NRXN3: variants seen among roughly 807,000 people sequenced by gnomAD.
NRXN3 encodes neurexin III.
NRXN3 carries 32 observed loss-of-function variants against 137.6 expected under a neutral mutation model. The observed-to-expected ratio is 0.23, with a 90% CI of 0.18 to 0.31. The LOEUF is 0.31. Ranked by LOEUF, NRXN3 falls within the 10% of genes least tolerant of loss-of-function variation. The pLI is 1.00. For missense variants in NRXN3, 1,574 were observed against 2,062.5 expected (o/e 0.76, Z 4.59); for synonymous variants, 798 against 784.5 (o/e 1.02, Z -0.29).
intron 15 of NRXN3, among the ~76,000 whole-genome samples, chr14:79,191,624 T>C (rs535722609): frequency 6.6e-6 from 1 of 152,338 alleles, no homozygotes; most frequent in South Asian, 2.1e-4. Context: ...CCTTTTAGCA[T>C]TGATGACAGT....
intron 16 of NRXN3, among the ~76,000 whole-genome samples, chr14:79,625,710 T>G (rs999348187): frequency 6.6e-6 from 1 of 152,200 alleles, no homozygotes; most frequent in Non-Finnish European, 1.5e-5. Flanking sequence ...CCAGATTACC[T>G]TTTCTCCCCA....
chr14:79,773,184 T>A (rs941189823), intron 19 of NRXN3, among the ~76,000 whole-genome samples: 3 of 152,336 alleles, frequency 2.0e-5, no homozygotes, highest in South Asian at 2.1e-4. Context: ...TTGGTGGGAC[T>A]GTAAACTAGT....
intron 15 of NRXN3, among the ~76,000 whole-genome samples, chr14:79,219,529 C>G (rs747890222): frequency 1.3e-4 from 20 of 152,122 alleles, no homozygotes; most frequent in Non-Finnish European, 2.5e-4. Context: ...GAAAGATTTA[C>G]TAAATAAAGC....
At chr14:79,529,809 C>T (rs143461809) in intron 16 of NRXN3, among the ~76,000 whole-genome samples, 2 of 152,162 alleles carry the variant, frequency 1.3e-5, no homozygotes, top group Non-Finnish European at 2.9e-5. Flanking sequence ...TTTCATCCCA[C>T]TGAATCTTTA....
At chr14:79,069,890 G>A (rs2099685405) in intron 15 of NRXN3, among the ~76,000 whole-genome samples, 1 of 152,132 alleles carries the variant, frequency 6.6e-6, no homozygotes, top group Middle Eastern at 3.2e-3. Context: ...TGTGTTTGGA[G>A]TTGCCATAGA....
intron 16 of NRXN3, among the ~76,000 whole-genome samples, chr14:79,545,843 C>T (rs2097314337): frequency 6.6e-6 from 1 of 152,086 alleles, no homozygotes; most frequent in South Asian, 2.1e-4. Context: ...GACGTTCCTA[C>T]TCTGGCACTT....
At chr14:79,606,815 C>A (rs2098025726) in intron 16 of NRXN3, among the ~76,000 whole-genome samples, 1 of 152,188 alleles carries the variant, frequency 6.6e-6, no homozygotes, top group African/African-American at 2.4e-5. Flanking sequence ...TACCACTGTT[C>A]TAGGCACAGC....
At chr14:78,352,428 A>G (rs1372357822) in intron 4 of NRXN3, among the ~76,000 whole-genome samples, 2 of 151,570 alleles carry the variant, frequency 1.3e-5, no homozygotes, top group Non-Finnish European at 2.9e-5. Context: ...CCAACACTTT[A>G]CCCTGCCCCC....
chr14:78,285,652 A>G (rs1490910363), intron 3 of NRXN3, among the ~76,000 whole-genome samples: 3 of 152,252 alleles, frequency 2.0e-5, no homozygotes, highest in African/African-American at 7.2e-5. Flanking sequence ...TTGCAGGCAC[A>G]GAAAAACACT....
At chr14:78,866,853 A>G (rs1394259913) in intron 10 of NRXN3, among the ~76,000 whole-genome samples, 3 of 140,874 alleles carry the variant, frequency 2.1e-5, no homozygotes, top group African/African-American at 8.3e-5. Context: ...GCTGGAGTAC[A>G]GTGGCACGGT....
chr14:78,894,688 G>A (rs2099168427), intron 10 of NRXN3, among the ~76,000 whole-genome samples: 1 of 151,744 alleles, frequency 6.6e-6, no homozygotes, highest in Admixed American at 6.6e-5. Context: ...ATCTATCAGA[G>A]GAATCACCAT....
intron 11 of NRXN3, 30 bp downstream of exon 11, chr14:78,957,391 T>C: frequency 6.3e-6 from 10 of 1,586,152 alleles, no homozygotes; most frequent in Non-Finnish European, 8.5e-6. Flanking sequence ...AATTCGTCTG[T>C]CTTTTCTCTC....
At position 79,359,535 on chromosome 14, in the gene NRXN3, A is replaced by G. The variant is rs976371666; in HGVS notation, c.3263-107686A>G. ...GTCCTATATTAATTTCATTGGAGTT[A>G]CTCTTTATCAGAGCAAACATCCGTA... On this transcript the variant is annotated intron_variant, in intron 15 of 20. Transcript: ENST00000335750. Among the ~76,000 whole-genome samples, 5 of 146,154 alleles carry G rather than the reference A, an allele frequency of 3.4e-5. No individual in the cohort carries two copies. The Admixed American group carries it at 3.4e-4, about 10-fold the overall frequency.
At chr14:78,183,646 G>A (rs550232362) in intron 1 of NRXN3, among the ~76,000 whole-genome samples, 1 of 152,318 alleles carries the variant, frequency 6.6e-6, no homozygotes, top group East Asian at 1.9e-4. Context: ...CAAGTGCCCC[G>A]TGAGATAGAG....
intron 16 of NRXN3, among the ~76,000 whole-genome samples, chr14:79,623,178 C>G (rs1360597599): frequency 1.3e-5 from 2 of 152,174 alleles, no homozygotes; most frequent in Non-Finnish European, 2.9e-5. Context: ...ATGCCATCAA[C>G]TCATCATCCC....
intron 16 of NRXN3, among the ~76,000 whole-genome samples, chr14:79,560,387 G>C (rs1251451103): frequency 1.3e-5 from 2 of 151,796 alleles, no homozygotes; most frequent in African/African-American, 4.8e-5. Flanking sequence ...CTGGTCCTGG[G>C]TGACCAGAGA....
intron 4 of NRXN3, among the ~76,000 whole-genome samples, chr14:78,522,138 C>T (rs747815769): frequency 1.3e-5 from 2 of 152,112 alleles, no homozygotes; most frequent in Non-Finnish European, 2.9e-5. Flanking sequence ...ATGGTATGTT[C>T]AAAGCAGAGG....
intron 1 of NRXN3, among the ~76,000 whole-genome samples, chr14:78,210,449 A>G (rs57816474): frequency 0.076 from 11,563 of 152,284 alleles, 968 homozygotes; most frequent in African/African-American, 0.21. Context: ...GTGAGCATTC[A>G]GGCCATAACA....
At chr14:79,705,783 G>A (rs1017477963) in intron 19 of NRXN3, among the ~76,000 whole-genome samples, 21 of 152,138 alleles carry the variant, frequency 1.4e-4, no homozygotes, top group South Asian at 4.2e-4. Flanking sequence ...ACACTCTATC[G>A]CCTTTTCCTG....
Sources: gnomAD v4.1 joint callset for allele counts (sites outside exome capture counted in the v4.1 genomes callset) on GRCh38, gnomAD v4.1.1 for gene constraint, MANE v1.5 for transcripts, NCBI Gene and HGNC (gene_info 2026-07-23, HGNC 2026-07-21) for gene names.